AHCYL2: variants seen among roughly 807,000 people sequenced by gnomAD.
AHCYL2 encodes the protein adenosylhomocysteinase like 2.
In AHCYL2, 28 loss-of-function variants were observed where a neutral mutation model predicts 81.4. The ratio of observed to expected loss-of-function variants is 0.34; its 90% CI spans 0.25 to 0.47. The LOEUF is 0.47. Ranked by LOEUF, AHCYL2 falls within the 20% of genes least tolerant of loss-of-function variation. AHCYL2 has a pLI of 1.00. For synonymous variants in AHCYL2, 272 were observed against 290.2 expected, an observed-to-expected ratio of 0.94 and a Z score of 0.64; for missense variants, 551 against 785.1, an observed-to-expected ratio of 0.70 and a Z score of 3.56.
intron 1 of AHCYL2, 41 bp from the exon 2 acceptor site, chr7:129,379,597 G>A (rs755197638): frequency 2.7e-6 from 4 of 1,496,890 alleles, no homozygotes; most frequent in Non-Finnish European, 2.8e-6. Context: ...TCTCAAAATG[G>A]AGGTTCTTTT....
intron 5 of AHCYL2, among the ~76,000 whole-genome samples, chr7:129,397,985 A>G (rs1460965203): frequency 6.6e-6 from 1 of 152,236 alleles, no homozygotes; most frequent in Non-Finnish European, 1.5e-5. Flanking sequence ...ACCCCAGTGA[A>G]TTGTACATAC....
chr7:129,368,294 AGTAAGGG>A lies in AHCYL2; in HGVS notation c.364-11341_364-11335del. 7.0e-7 allele frequency: 1 copy of A among 1,424,228 alleles called. No individual in the cohort carries two copies. Among genetic ancestry groups the A allele is most frequent in the Non-Finnish European group, 9.2e-7 (1 of 1,089,710 alleles). The allele number at this position is 1,424,228 out of a possible 1,614,324, so 88.2% of individuals were successfully genotyped here. ...GACACAGAAGGCTTTGAAGCCGGCC[AGTAAGGG>A]GTTGTCAGGCAGTTGACTAATGCTC... On this transcript the variant is annotated intron_variant, in intron 1 of 16. Coordinates refer to ENST00000325006, the MANE Select transcript of AHCYL2 (RefSeq NM_015328.4). This position sits in a 1 kb window ranked among gnomAD's most constrained non-coding sequence, Gnocchi z 4.4.
intron 1 of AHCYL2, among the ~76,000 whole-genome samples, chr7:129,307,886 T>C (rs1414457934): frequency 6.6e-6 from 1 of 151,882 alleles, no homozygotes; most frequent in African/African-American, 2.4e-5. Context: ...GTCCGGGAGC[T>C]AGGGCCTGGA....
At chr7:129,279,830 T>A (rs1796366968) in intron 1 of AHCYL2, among the ~76,000 whole-genome samples, 1 of 152,194 alleles carries the variant, frequency 6.6e-6, no homozygotes. Flanking sequence ...GTCACGGCAC[T>A]GGTGGGAGTG....
rs117470967 is a variant in AHCYL2, at chr7:129,326,517, C to T, written c.364-53121C>T. 1.2e-3 allele frequency among the ~76,000 whole-genome samples: 176 copies of T among 152,030 alleles called. 2 individuals carry two copies. The East Asian group carries it at 0.02, about 17-fold the overall frequency. ...CTCCAGCCTGGGTGAAAGAGTGAGA[C>T]GCCAACTCAAAACAAACAAACAAAC... On this transcript the variant is annotated intron_variant, in intron 1 of 16. Coordinates refer to ENST00000325006, the MANE Select transcript of AHCYL2 (RefSeq NM_015328.4).
At chr7:129,313,395 C>T (rs1388950479) in intron 1 of AHCYL2, among the ~76,000 whole-genome samples, 6 of 152,152 alleles carry the variant, frequency 3.9e-5, no homozygotes, top group Non-Finnish European at 8.8e-5. Context: ...AGATTTATTG[C>T]TTATTGTTGG....
Position 129,426,962 on chromosome 7 carries a change from C to A in AHCYL2, c.1830-77C>A. 6.8e-7 allele frequency: 1 copy of A among 1,476,330 alleles called. No homozygotes were observed. The highest frequency in any genetic ancestry group is 9.4e-7 in the Non-Finnish European group (1 of 1,058,978). The allele number at this position is 1,476,330 out of a possible 1,614,324, so 91.5% of individuals were successfully genotyped here. ...AAAAGTCTCTGCCTCCCTGTTACAC[C>A]TTTAGGCAGGCTCTTCATGTCCCAG... On this transcript the variant is annotated intron_variant, in intron 16 of 16. Transcript: ENST00000325006. This position sits in a 1 kb window ranked among gnomAD's most constrained non-coding sequence, Gnocchi z 4.3.
rs371422132 is a variant in AHCYL2 at position 129,425,153 on chromosome 7, C to T, written c.1708+12C>T. On this transcript the variant is annotated intron_variant, in intron 15 of 16. Coordinates refer to ENST00000325006, the MANE Select transcript of AHCYL2 (RefSeq NM_015328.4). The stretch of plus-strand genomic sequence containing the variant: ...GCCCAAGAAGATGGGTAAGTATTTA[C>T]TCTTCCATCTCCATCCTTACCAAAG... 1.4e-5 allele frequency: 23 copies of T among 1,607,726 alleles called. No individual in the cohort carries two copies. Among genetic ancestry groups the T allele is most frequent in the Non-Finnish European group, 2.0e-5 (23 of 1,176,264 alleles).
In AHCYL2 at chr7:129,225,127, G is replaced by T. The variant is rs1452546720; in HGVS notation, c.51G>T (p.Val17=). 4.4e-6 allele frequency: 7 copies of T among 1,602,716 alleles called. No homozygotes were observed. Among genetic ancestry groups the T allele is most frequent in the Non-Finnish European group, 6.0e-6 (7 of 1,175,856 alleles). Residue 17 remains valine, a synonymous_variant, in exon 1 of 17, where the codon GTG becomes GTT. Coordinates refer to ENST00000325006, the MANE Select transcript of AHCYL2 (RefSeq NM_015328.4). ...CGGCTGCCGCCAAGGTGCCTGAGGT[G>T]GAGCTGAAGGACCTGAGCCCCTCCG... ...SAAAAAKVPE[V]ELKDLSPSEA...
intron 1 of AHCYL2, among the ~76,000 whole-genome samples, chr7:129,263,966 G>A (rs1435536853): frequency 6.6e-6 from 1 of 152,190 alleles, no homozygotes; most frequent in East Asian, 1.9e-4. Context: ...AGATGGTGGT[G>A]CCATTCACCA....
intron 1 of AHCYL2, among the ~76,000 whole-genome samples, chr7:129,244,481 T>C (rs1248003592): frequency 6.6e-6 from 1 of 152,214 alleles, no homozygotes; most frequent in Non-Finnish European, 1.5e-5. Flanking sequence ...CTCATGGTTC[T>C]GGAGGCTGGG....
At chr7:129,246,762 G>T (rs911759954) in intron 1 of AHCYL2, among the ~76,000 whole-genome samples, 4 of 152,152 alleles carry the variant, frequency 2.6e-5, no homozygotes, top group African/African-American at 9.7e-5. Context: ...TTCCCAAAGT[G>T]CTGGGACTAT....
intron 1 of AHCYL2, among the ~76,000 whole-genome samples, chr7:129,300,215 C>A (rs1388760310): frequency 2.6e-5 from 4 of 152,110 alleles, no homozygotes; most frequent in Non-Finnish European, 1.5e-5. Flanking sequence ...CCCTGTTGTG[C>A]TATCAGATAC....
intron 1 of AHCYL2, among the ~76,000 whole-genome samples, chr7:129,324,089 G>A (rs1232976658): frequency 8.2e-6 from 1 of 121,782 alleles, no homozygotes; most frequent in Non-Finnish European, 1.8e-5. Context: ...GTAGATGTTG[G>A]CCAGGATGGT....
chr7:129,242,758 A>ATC (rs1794910353), intron 1 of AHCYL2, among the ~76,000 whole-genome samples: 2 of 151,480 alleles, frequency 1.3e-5, no homozygotes, highest in Non-Finnish European at 2.9e-5. Context: ...GTTAATTTAT[A>ATC]TCAGCTTGAC....
In AHCYL2 at chr7:129,427,297, T is replaced by C. The variant is rs942487177; in HGVS notation, c.*252T>C. 1 of 427,990 alleles carries C rather than the reference T, an allele frequency of 2.3e-6. No individual in the cohort carries two copies. The highest frequency in any genetic ancestry group is 2.1e-5 in the African/African-American group (1 of 48,744). 26.5% of individuals were successfully genotyped at this position (427,990 alleles called of 1,614,324 possible). ...TGAGGAAGGAAAGAAATGGGGTTAC[T>C]GCTCCCAGTGCATCATTTGCATCAT... On this transcript the variant is annotated 3_prime_UTR_variant, in exon 17 of 17. Transcript: ENST00000325006. This position sits in a 1 kb window ranked among gnomAD's most constrained non-coding sequence, Gnocchi z 5.5.
intron 1 of AHCYL2, among the ~76,000 whole-genome samples, chr7:129,228,502 A>T (rs1192216169): frequency 6.6e-6 from 1 of 152,170 alleles, no homozygotes; most frequent in Non-Finnish European, 1.5e-5. Context: ...GTCCTTTTTC[A>T]TAAGTTGACA....
In AHCYL2 at chr7:129,400,376, C is replaced by A. The variant is rs1171728221; in HGVS notation, c.910C>A (p.Pro304Thr). The change falls in exon 6 of 17, where the codon CCA becomes ACA. Residue 304 changes from proline (P) to threonine (T), a missense_variant. This residue lies in a region of AHCYL2 where 316 missense variants were observed against 543.1 expected (regional missense o/e 0.58). Transcript: ENST00000325006. ...DRCVNVEGWQ[P>T]NMILDDGGDL... is the part of the protein sequence containing the mutation. ...ATGTGTGAATGTGGAGGGCTGGCAG[C>A]CAAACATGGTGGGTCAGATTTCTGC... The A allele has an allele frequency of 6.2e-7, 1 of 1,612,148 alleles. No individual in the cohort carries two copies. The highest frequency in any genetic ancestry group is 8.5e-7 in the Non-Finnish European group (1 of 1,178,876).
At chr7:129,265,573 G>C (rs1795788552) in intron 1 of AHCYL2, among the ~76,000 whole-genome samples, 1 of 152,154 alleles carries the variant, frequency 6.6e-6, no homozygotes, top group African/African-American at 2.4e-5. Context: ...GAATTAGCAA[G>C]GAGGCACGTG....
Sources: allele counts gnomAD v4.1 joint callset (sites outside exome capture counted in the v4.1 genomes callset), GRCh38; gene constraint gnomAD v4.1.1; regional missense constraint gnomAD v4.1.1; non-coding constraint Gnocchi (gnomAD v3.1); transcripts MANE v1.5; gene names NCBI Gene and HGNC (gene_info 2026-07-23, HGNC 2026-07-21).